Variants in KRT85 observed in about 807,000 individuals in gnomAD.
KRT85 encodes keratin, type II cuticular Hb5.
KRT85 carries 39 observed loss-of-function variants against 53.7 expected under a neutral mutation model. The ratio of observed to expected loss-of-function variants is 0.73; its 90% CI spans 0.56 to 0.95. KRT85 has a LOEUF of 0.95. Among genes scored for constraint, KRT85 ranks in the 40% least tolerant of loss-of-function variants. The pLI is 0.00. For synonymous variants in KRT85, 291 were observed against 277.5 expected, an observed-to-expected ratio of 1.05 and a Z score of -0.48; for missense variants, 668 against 686.0, an observed-to-expected ratio of 0.97 and a Z score of 0.29.
At position 52,367,141 on chromosome 12, in the gene KRT85, C is replaced by T. The variant is rs150836526; in HGVS notation, c.265G>A (p.Gly89Arg). 1.2e-5 allele frequency: 20 copies of T among 1,613,450 alleles called. No individual in the cohort carries two copies. In the African/African-American group the frequency reaches 2.0e-4, roughly 16 times the overall value. Residue 89 changes from glycine (G) to arginine (R), a missense_variant, in exon 1 of 9, where the codon GGA becomes AGA. Gly to Arg is a moderately radical substitution (Grantham distance 125). Coordinates refer to ENST00000257901, the MANE Select transcript of KRT85 (RefSeq NM_002283.4). The part of the protein sequence containing the change: ...SFGYRSGGVC[G>R]PSPPCITTVS... ...GTAGTGATGCATGGGGGGCTGGGTC[C>T]GCACACGCCCCCGGAGCGGTAGCCG...
intron 2 of KRT85, 200 bp from the exon 3 acceptor site, chr12:52,364,566 G>A (rs868805265): frequency 1.4e-6 from 2 of 1,459,342 alleles, no homozygotes; most frequent in African/African-American, 2.8e-5. Context: ...CAGTCCTTCT[G>A]CCTCTGAGAT....
chr12:52,367,409 G>A lies in KRT85; in HGVS notation c.-4C>T. 1.2e-6 allele frequency: 2 copies of A among 1,613,990 alleles called. No homozygotes were observed. The highest frequency in any genetic ancestry group is 1.7e-6 in the Non-Finnish European group (2 of 1,180,006). On this transcript the variant is annotated 5_prime_UTR_variant, in exon 1 of 9. Coordinates refer to ENST00000257901, the MANE Select transcript of KRT85 (RefSeq NM_002283.4). Reference sequence around the variant, plus strand: ...TCCTGTAGGAGCGGCACGACATCGTGTGAGGCTGAGCAGAGTCTGAGAGGC... The same window carrying A: ...TCCTGTAGGAGCGGCACGACATCGTATGAGGCTGAGCAGAGTCTGAGAGGC...
At chr12:52,364,209 C>A in intron 3 of KRT85, 46 bp from the exon 4 acceptor site, 1 of 1,612,602 alleles carries the variant, frequency 6.2e-7, no homozygotes, top group South Asian at 1.1e-5. Context: ...GAGAGGAGAC[C>A]AAAGAAAGGT....
At position 52,362,761 on chromosome 12, in the gene KRT85, C is replaced by A. The variant is rs564501424; in HGVS notation, c.1077+93G>T. ...TAGAGCCCCTCCCTTCCCTCTGGGT[C>A]CCTGCTTCCTCATGGGCACACTGTG... On this transcript the variant is annotated intron_variant, in intron 6 of 8. Coordinates refer to ENST00000257901, the MANE Select transcript of KRT85 (RefSeq NM_002283.4). 3 of 1,585,190 alleles carry A rather than the reference C, an allele frequency of 1.9e-6. No homozygotes were observed. The Admixed American group carries it at 5.0e-5, about 26-fold the overall frequency.
intron 8 of KRT85, 26 bp from the exon 9 acceptor site, chr12:52,361,072 G>T: frequency 6.3e-7 from 1 of 1,583,342 alleles, no homozygotes; most frequent in Non-Finnish European, 8.6e-7. Flanking sequence ...ACATGGAGGG[G>T]TGAGCAGCTC....
chr12:52,362,166 T>C, intron 7 of KRT85, 85 bp downstream of exon 7: 1 of 1,569,212 alleles, frequency 6.4e-7, no homozygotes. Context: ...GCCAGAGTTG[T>C]AGCTCACACT....
In KRT85 at chr12:52,362,340, G is replaced by C; in HGVS notation, c.1209C>G (p.Leu403=). The C allele has an allele frequency of 6.2e-7, 1 of 1,614,176 alleles. No homozygotes were observed. Among genetic ancestry groups the C allele is most frequent in the South Asian group, 1.1e-5 (1 of 91,078 alleles). The change falls in exon 7 of 9, where the codon CTC becomes CTG. Residue 403 remains leucine (L), a synonymous_variant. Transcript: ENST00000257901. The part of the protein sequence containing the change: ...QKAKQDMACL[L]KEYQEVMNSK... ...AGTTCATCACCTCCTGGTACTCCTT[G>C]AGCAGGCAGGCCATGTCCTGCTTGG...
rs761696375 is a variant in KRT85 at position 52,362,239 on chromosome 12, T to A, written c.1298+12A>T. On this transcript the variant is annotated intron_variant, in intron 7 of 8. Transcript: ENST00000257901. ...CCACCTCTGAAACCCCACAAAGTCC[T>A]CTTAGCCCCACCTGTGTTCCTCGCC... The A allele has an allele frequency of 1.9e-6, 3 of 1,613,868 alleles. No individual in the cohort carries two copies. In the African/African-American group the frequency reaches 4.0e-5, roughly 22 times the overall value.
chr12:52,362,113 A>T, intron 7 of KRT85, 138 bp downstream of exon 7: 4 of 1,049,062 alleles, frequency 3.8e-6, no homozygotes, highest in Non-Finnish European at 4.4e-6. Flanking sequence ...AGAAGCATTC[A>T]GTTATTATTA....
intron 1 of KRT85, among the ~76,000 whole-genome samples, chr12:52,366,436 G>C (rs2121409674): frequency 6.6e-6 from 1 of 152,346 alleles, no homozygotes; most frequent in East Asian, 1.9e-4. Context: ...ATGCAGCAAG[G>C]ACTTGGGAGA....
chr12:52,365,817 G>A (rs1413222642), intron 1 of KRT85, among the ~76,000 whole-genome samples: 2 of 152,166 alleles, frequency 1.3e-5, no homozygotes, highest in Admixed American at 6.5e-5. Flanking sequence ...GTAAGCGATA[G>A]TCTTGAGATA....
chr12:52,362,696 T>C (rs896364329), intron 6 of KRT85, among the ~76,000 whole-genome samples, 158 bp downstream of exon 6: 1 of 152,144 alleles, frequency 6.6e-6, no homozygotes, highest in Admixed American at 6.5e-5. Flanking sequence ...GGATCCTCCT[T>C]TGGAAGTCAG....
chr12:52,362,564 C>A, intron 6 of KRT85, 93 bp from the exon 7 acceptor site: 1 of 1,515,692 alleles, frequency 6.6e-7, no homozygotes, highest in Non-Finnish European at 9.0e-7. Flanking sequence ...AGAGGAGGGT[C>A]CTGGAGAGAA....
At position 52,360,951 on chromosome 12, in the gene KRT85, C is replaced by T. The variant is rs141188858; in HGVS notation, c.1426G>A (p.Gly476Ser). ...QITSGPSAIG[G>S]SITVVAPDSC... ...TCAGGGGCCACCACCGTGATGCTGC[C>T]GCCTATGGCTGAGGGGCCAGAAGTG... is the stretch of plus-strand genomic sequence containing the variant. Residue 476 changes from glycine (G) to serine (S), a missense_variant, in exon 9 of 9, where the codon GGC becomes AGC. This residue lies in a region of KRT85 where 488 missense variants were observed against 498.1 expected (regional missense o/e 0.98). Transcript: ENST00000257901. 157 of 1,613,196 alleles carry T rather than the reference C, an allele frequency of 9.7e-5. No homozygotes were observed. Among genetic ancestry groups the T allele is most frequent in the Non-Finnish European group, 1.2e-4 (143 of 1,179,982 alleles).
At position 52,367,276 on chromosome 12, in the gene KRT85, A is replaced by C. The variant is rs768577581; in HGVS notation, c.130T>G (p.Cys44Gly). Residue 44 changes from cysteine (C) to glycine (G), a missense_variant, in exon 1 of 9, where the codon TGC (cysteine) becomes GGC (glycine). Cys to Gly is a radical substitution (Grantham distance 159). Transcript: ENST00000257901. ...CCGAAGCCCGTCAGCCCTCGGTAGC[A>C]GGACACCCCTCGGTAGGGGGCGGCG... is the stretch of plus-strand genomic sequence containing the variant. Reference protein sequence around the residue: ...ISAAPYRGVSCYRGLTGFGSR... With the variant: ...ISAAPYRGVSGYRGLTGFGSR... The C allele has an allele frequency of 6.2e-5, 100 of 1,612,444 alleles. No homozygotes were observed. Among genetic ancestry groups the C allele is most frequent in the Non-Finnish European group, 8.2e-5 (97 of 1,178,888 alleles).
At chr12:52,364,867 G>T in intron 2 of KRT85, 95 bp downstream of exon 2, 1 of 1,602,806 alleles carries the variant, frequency 6.2e-7, no homozygotes, top group Non-Finnish European at 8.5e-7. Flanking sequence ...CCTGCTAGAG[G>T]AATCTGAAAG....
chr12:52,360,995 G>C lies in KRT85; in HGVS notation c.1382C>G (p.Thr461Ser), dbSNP rs1451844696. The C allele has an allele frequency of 6.2e-7, 1 of 1,613,496 alleles. No individual in the cohort carries two copies. Among genetic ancestry groups the C allele is most frequent in the Non-Finnish European group, 8.5e-7 (1 of 1,179,880 alleles). The change falls in exon 9 of 9, where the codon ACC becomes AGC. Residue 461 changes from threonine to serine, a missense_variant. Thr to Ser is a moderately conservative substitution (Grantham distance 58, BLOSUM62 1). Around this residue, in one of 3 missense-constraint regions of KRT85, gnomAD observed 488 missense variants for 498.1 expected, o/e 0.98. Transcript: ENST00000257901. Reference sequence around the variant, plus strand: ...AGAAGTGATCTGGCGCCCTGGGGTGGTGCTGTAGGAGAGGCCCCCACAGGA... The same window carrying C: ...AGAAGTGATCTGGCGCCCTGGGGTGCTGCTGTAGGAGAGGCCCCCACAGGA... ...GVSCGGLSYSTTPGRQITSGP... is the reference protein window; with the variant it reads ...GVSCGGLSYSSTPGRQITSGP...
intron 1 of KRT85, among the ~76,000 whole-genome samples, chr12:52,365,532 C>G (rs987022943): frequency 3.3e-5 from 5 of 152,188 alleles, no homozygotes; most frequent in Admixed American, 3.3e-4. Context: ...GTCCCTGACA[C>G]GTAGTAAATG....
chr12:52,362,132 A>C (rs1396371910), intron 7 of KRT85, 119 bp downstream of exon 7: 1 of 1,162,152 alleles, frequency 8.6e-7, no homozygotes, highest in African/African-American at 1.5e-5. Flanking sequence ...TATTATTATT[A>C]TTGAAGCTAT....
Sources: gnomAD v4.1 joint callset for allele counts (sites outside exome capture counted in the v4.1 genomes callset) on GRCh38, gnomAD v4.1.1 for gene constraint, gnomAD v4.1.1 regional missense constraint, MANE v1.5 for transcripts, NCBI Gene and HGNC (gene_info 2026-07-23, HGNC 2026-07-21) for gene names.